The following PCDH15 variants were observed in gnomAD, a reference collection of about 807,000 sequenced individuals.
The protein encoded by PCDH15 is protocadherin-15.
A neutral mutation model predicts 178.5 loss-of-function variants in PCDH15; 129 were observed. The ratio of observed to expected loss-of-function variants is 0.72; its 90% CI spans 0.63 to 0.84. The LOEUF (loss-of-function observed/expected upper bound fraction) is 0.84, where lower values mean the gene tolerates loss of function less well. Among genes scored for constraint, PCDH15 ranks in the 40% least tolerant of loss-of-function variants. The pLI is 0.00. For synonymous variants in PCDH15, 800 were observed against 732.0 expected (o/e 1.09, Z -1.50); for missense variants, 2,230 against 2,099.9 (o/e 1.06, Z -1.21).
intron 8 of PCDH15, among the ~76,000 whole-genome samples, chr10:54,300,278 A>T (rs1307552765): frequency 1.3e-5 from 2 of 152,222 alleles, no homozygotes; most frequent in African/African-American, 4.8e-5. Context: ...GAGTTGGGTG[A>T]CATGGCTTCT....
At chr10:54,950,451 T>C (rs1838311732) in intron 2 of PCDH15, among the ~76,000 whole-genome samples, 1 of 152,026 alleles carries the variant, frequency 6.6e-6, no homozygotes, top group Admixed American at 6.6e-5. Context: ...TTTAAAATCA[T>C]GAGTTTCTCT....
At chr10:54,212,330 A>C (rs886724109) in intron 10 of PCDH15, among the ~76,000 whole-genome samples, 20 of 152,078 alleles carry the variant, frequency 1.3e-4, no homozygotes, top group African/African-American at 4.3e-4. Flanking sequence ...TTTTTGTTGA[A>C]TAACTCCCAA....
intron 18 of PCDH15, among the ~76,000 whole-genome samples, chr10:54,042,642 G>A (rs1001003527): frequency 2.0e-5 from 3 of 152,078 alleles, no homozygotes; most frequent in Non-Finnish European, 4.4e-5. Context: ...GTGGAGTGAT[G>A]CAAATGATGT....
intron 18 of PCDH15, among the ~76,000 whole-genome samples, chr10:54,059,378 C>A (rs1485754774): frequency 1.3e-5 from 2 of 152,102 alleles, no homozygotes; most frequent in Admixed American, 1.3e-4. Flanking sequence ...TTATGCATAA[C>A]CCCAACAACA....
intron 2 of PCDH15, among the ~76,000 whole-genome samples, chr10:54,531,179 T>C (rs1423570639): frequency 6.6e-6 from 1 of 152,162 alleles, no homozygotes; most frequent in Non-Finnish European, 1.5e-5. Context: ...ACTTCCTTAA[T>C]CTATTTAATT....
Position 53,866,656 on chromosome 10 carries a change from T to C in PCDH15, c.3703A>G (p.Lys1235Glu). The C allele has an allele frequency of 6.2e-7, 1 of 1,613,582 alleles. No individual in the cohort carries two copies. Among genetic ancestry groups the C allele is most frequent in the East Asian group, 2.2e-5 (1 of 44,848 alleles). The change falls in exon 27 of 38, where the codon AAA becomes GAA. Residue 1235 changes from lysine to glutamate, a missense_variant. Transcript: ENST00000644397. ...TDDYGKGLSG[K>E]ADVLVSVVNQ... is the part of the protein sequence containing the mutation. ...TATCTACTTACGAGTACATCGGCTTTGCCGCTCAGTCCCTTCCCATAGTCG... is the reference window on the plus strand; with the variant it reads ...TATCTACTTACGAGTACATCGGCTTCGCCGCTCAGTCCCTTCCCATAGTCG...
intron 2 of PCDH15, among the ~76,000 whole-genome samples, chr10:55,598,530 A>ATG (rs1210978450): frequency 9.4e-5 from 3 of 31,838 alleles, no homozygotes; most frequent in African/African-American, 6.7e-4. Flanking sequence ...ATATATATAT[A>ATG]TATATATATA....
chr10:54,555,471 C>A (rs1197857070), intron 2 of PCDH15, among the ~76,000 whole-genome samples: 1 of 151,998 alleles, frequency 6.6e-6, no homozygotes, highest in East Asian at 1.9e-4. Flanking sequence ...GTGGCTCACG[C>A]CTGTAATCCC....
chr10:53,913,497 G>C (rs1339736216), intron 25 of PCDH15, among the ~76,000 whole-genome samples: 3 of 151,940 alleles, frequency 2.0e-5, no homozygotes, highest in Non-Finnish European at 4.4e-5. Flanking sequence ...ACTTTGGGAG[G>C]CTGAGGCAGG....
intron 2 of PCDH15, chr10:54,607,921 A>G (rs772074137): frequency 1.9e-6 from 1 of 519,836 alleles, no homozygotes; most frequent in Non-Finnish European, 3.9e-6. Context: ...TTTGAAAGTA[A>G]TGTCAAAAAC....
intron 2 of PCDH15, among the ~76,000 whole-genome samples, chr10:55,521,493 AG>A (rs1420827509): frequency 6.6e-6 from 1 of 151,978 alleles, no homozygotes; most frequent in Non-Finnish European, 1.5e-5. Flanking sequence ...TGTAAGTCAT[AG>A]GAGGCCTGGA....
intron 2 of PCDH15, among the ~76,000 whole-genome samples, chr10:54,913,535 T>C (rs960583795): frequency 1.3e-5 from 2 of 152,208 alleles, no homozygotes; most frequent in Non-Finnish European, 2.9e-5. Context: ...AGGGGAAATA[T>C]GTGGTTGGAG....
At chr10:54,578,606 A>G (rs1371638238) in intron 2 of PCDH15, among the ~76,000 whole-genome samples, 2 of 152,192 alleles carry the variant, frequency 1.3e-5, no homozygotes, top group African/African-American at 2.4e-5. Context: ...TATGGTCAGA[A>G]TGACAAAAAT....
intron 2 of PCDH15, among the ~76,000 whole-genome samples, chr10:55,387,096 G>A (rs981000672): frequency 5.3e-5 from 8 of 152,012 alleles, no homozygotes; most frequent in Admixed American, 2.6e-4. Flanking sequence ...TTAAAATATC[G>A]TGCCATTATT....
chr10:55,063,255 G>A (rs757525677), intron 2 of PCDH15, among the ~76,000 whole-genome samples: 5 of 152,008 alleles, frequency 3.3e-5, no homozygotes, highest in East Asian at 1.9e-4. Flanking sequence ...AAACCTGGAC[G>A]TTTTATAAAA....
At chr10:54,912,387 T>C (rs1954833092) in intron 2 of PCDH15, among the ~76,000 whole-genome samples, 1 of 152,078 alleles carries the variant, frequency 6.6e-6, no homozygotes, top group Non-Finnish European at 1.5e-5. Context: ...GCTGTTCTCA[T>C]GACAGTGAAT....
intron 26 of PCDH15, among the ~76,000 whole-genome samples, chr10:53,890,735 G>A (rs1465913106): frequency 6.6e-6 from 1 of 151,942 alleles, no homozygotes; most frequent in Non-Finnish European, 1.5e-5. Flanking sequence ...ATGCATTTTT[G>A]TGAATCCAGG....
intron 2 of PCDH15, among the ~76,000 whole-genome samples, chr10:54,932,509 A>G (rs1837804576): frequency 6.6e-6 from 1 of 152,202 alleles, no homozygotes; most frequent in Non-Finnish European, 1.5e-5. Context: ...TTAATTTATT[A>G]TTGAAAAGGC....
At chr10:54,407,542 A>G (rs935397516) in intron 3 of PCDH15, among the ~76,000 whole-genome samples, 1 of 152,030 alleles carries the variant, frequency 6.6e-6, no homozygotes, top group African/African-American at 2.4e-5. Flanking sequence ...CTCTTAAGCT[A>G]AAAAGCATTT....
Sources: allele counts gnomAD v4.1 joint callset (sites outside exome capture counted in the v4.1 genomes callset), GRCh38; gene constraint gnomAD v4.1.1; transcripts MANE v1.5; gene names NCBI Gene and HGNC (gene_info 2026-07-23, HGNC 2026-07-21).